Variants in ENTPD5 observed in about 807,000 individuals in gnomAD.
The protein encoded by ENTPD5 is ectonucleoside triphosphate diphosphohydrolase 5 (inactive), also known as nucleoside diphosphate phosphatase ENTPD5.
ENTPD5 carries 49 observed loss-of-function variants against 60.2 expected under a neutral mutation model. The ratio of observed to expected loss-of-function variants is 0.81; its 90% CI spans 0.65 to 1.03. The LOEUF (loss-of-function observed/expected upper bound fraction) is 1.03. ENTPD5 is among the 50% of genes least tolerant of loss of function. ENTPD5 has a pLI of 0.00. For missense variants in ENTPD5, 480 were observed against 507.6 expected (o/e 0.95, Z 0.52); for synonymous variants, 187 against 185.4 (o/e 1.01, Z -0.07).
chr14:73,977,494 G>A, intron 6 of ENTPD5, 120 bp from the exon 7 acceptor site: 1 of 724,416 alleles, frequency 1.4e-6, no homozygotes. Flanking sequence ...ATAAAATTTT[G>A]GCAAAACTCA....
chr14:73,959,159 C>G, downstream of ENTPD5: 1 of 1,614,226 alleles, frequency 6.2e-7, no homozygotes, highest in African/African-American at 1.3e-5. Flanking sequence ...CTCTCTGTTG[C>G]AGGCCACAGA....
chr14:73,978,301 G>A (rs2057528319), intron 6 of ENTPD5, among the ~76,000 whole-genome samples: 1 of 148,526 alleles, frequency 6.7e-6, no homozygotes, highest in South Asian at 2.1e-4. Flanking sequence ...GTGTTTCCTT[G>A]GCTCAAAACC....
chr14:74,009,841 G>T (rs923272973), intron 3 of ENTPD5, among the ~76,000 whole-genome samples: 1 of 152,046 alleles, frequency 6.6e-6, no homozygotes, highest in East Asian at 1.9e-4. Flanking sequence ...AGGCTGGATG[G>T]AGTGCAGTGG....
intron 6 of ENTPD5, among the ~76,000 whole-genome samples, chr14:73,980,427 C>A (rs1002398404): frequency 2.6e-5 from 4 of 151,404 alleles, no homozygotes; most frequent in Non-Finnish European, 5.9e-5. Context: ...CCATGCCCAG[C>A]TAATTTTTGT....
chr14:73,992,051 T>A (rs1040673842), intron 3 of ENTPD5, among the ~76,000 whole-genome samples: 1 of 151,582 alleles, frequency 6.6e-6, no homozygotes, highest in Non-Finnish European at 1.5e-5. Context: ...TATGTATGTA[T>A]ATAAACGTTT....
At chr14:73,962,967 C>T, downstream of ENTPD5, 1 of 1,606,120 alleles carries the variant, frequency 6.2e-7, no homozygotes, top group Non-Finnish European at 8.5e-7. Flanking sequence ...ATTTTTTCTC[C>T]AGGAACAGAT....
intron 1 of ENTPD5, chr14:74,018,739 C>T (rs2059147396): frequency 2.6e-5 from 4 of 152,298 alleles, no homozygotes; most frequent in Admixed American, 2.6e-4. Context: ...GCACTCCCCT[C>T]CCCGCCCGGC....
chr14:74,018,244 CAG>C (rs947736364), intron 1 of ENTPD5, among the ~76,000 whole-genome samples: 1 of 150,056 alleles, frequency 6.7e-6, no homozygotes, highest in African/African-American at 2.5e-5. Flanking sequence ...TCAGAAGAAA[CAG>C]AAATTCAGAA....
At chr14:73,984,112 C>T (rs2140595330) in intron 5 of ENTPD5, among the ~76,000 whole-genome samples, 1 of 152,334 alleles carries the variant, frequency 6.6e-6, no homozygotes, top group Non-Finnish European at 1.5e-5. Context: ...ACTGCAACCT[C>T]TGCCTCCCGG....
intron 9 of ENTPD5, 41 bp downstream of exon 9, chr14:73,976,283 G>A: frequency 6.4e-7 from 1 of 1,560,226 alleles, no homozygotes; most frequent in Non-Finnish European, 8.8e-7. Flanking sequence ...TGATACGCCT[G>A]CCAAGTGCAC....
At chr14:74,005,878 C>T (rs1312166215) in intron 3 of ENTPD5, among the ~76,000 whole-genome samples, 1 of 152,092 alleles carries the variant, frequency 6.6e-6, no homozygotes, top group Non-Finnish European at 1.5e-5. Context: ...CTTTTAACTT[C>T]CATCTTCTGT....
chr14:73,956,304 G>A (rs967595451), downstream of ENTPD5: 11 of 214,026 alleles, frequency 5.1e-5, no homozygotes, highest in Non-Finnish European at 7.7e-5. Context: ...CTCCAGCCTG[G>A]GCGACAGAGC....
downstream of ENTPD5, chr14:73,961,608 C>A: frequency 6.2e-7 from 1 of 1,609,910 alleles, no homozygotes; most frequent in South Asian, 1.1e-5. Context: ...ATCCAGAGGT[C>A]ATATAGTTAG....
intron 1 of ENTPD5, among the ~76,000 whole-genome samples, chr14:74,018,248 A>T (rs1281117212): frequency 1.3e-5 from 2 of 152,186 alleles, no homozygotes; most frequent in African/African-American, 4.8e-5. Context: ...AAGAAACAGA[A>T]ATTCAGAAAC....
chr14:73,962,039 C>T, downstream of ENTPD5: 5 of 1,034,552 alleles, frequency 4.8e-6, no homozygotes, highest in Non-Finnish European at 7.3e-6. Flanking sequence ...CCTCTGCCTC[C>T]CAGGTTCAAG....
chr14:73,975,058 G>A (rs1566718058), intron 10 of ENTPD5, 73 bp from the exon 11 acceptor site: 3 of 1,140,250 alleles, frequency 2.6e-6, no homozygotes, highest in African/African-American at 3.0e-5. Flanking sequence ...TCTTTCAAAA[G>A]TAACATTGTT....
At chr14:73,961,981 C>T, downstream of ENTPD5, 12 of 1,541,772 alleles carry the variant, frequency 7.8e-6, no homozygotes, top group South Asian at 1.1e-5. Flanking sequence ...GAGTCTTGGT[C>T]TTATCGCCCA....
intron 1 of ENTPD5, chr14:74,018,921 G>A (rs1327659198): frequency 6.5e-6 from 1 of 152,954 alleles, no homozygotes; most frequent in African/African-American, 2.4e-5. Flanking sequence ...GCAACCCAAA[G>A]GAGTAAGGCA....
chr14:74,000,826 TG>T (rs2058485812), intron 3 of ENTPD5, among the ~76,000 whole-genome samples: 1 of 151,726 alleles, frequency 6.6e-6, no homozygotes, highest in East Asian at 1.9e-4. Flanking sequence ...TCATGAAAAA[TG>T]GACAGAAATA....
Sources: gnomAD v4.1 joint callset for allele counts (sites outside exome capture counted in the v4.1 genomes callset) on GRCh38, gnomAD v4.1.1 for gene constraint, MANE v1.5 for transcripts, NCBI Gene and HGNC (gene_info 2026-07-23, HGNC 2026-07-21) for gene names.